Variants in TRPS1 observed in about 807,000 individuals in gnomAD.
TRPS1 encodes the protein zinc finger transcription factor Trps1.
A neutral mutation model predicts 101.2 loss-of-function variants in TRPS1; 6 were observed. That is an observed-to-expected ratio of 0.06 (90% confidence interval 0.03 to 0.12). TRPS1 has a LOEUF of 0.12. Among genes scored for constraint, TRPS1 ranks in the 10% least tolerant of loss-of-function variants. The probability of loss-of-function intolerance (pLI) is 1.00; values close to 1 mark genes in which losing one functional copy is unlikely to be tolerated. For synonymous variants in TRPS1, 578 were observed against 589.8 expected, an observed-to-expected ratio of 0.98 and a Z score of 0.29; for missense variants, 1,363 against 1,567.0, an observed-to-expected ratio of 0.87 and a Z score of 2.20.
At chr8:115,622,399 A>T (rs1301345066) in intron 2 of TRPS1, among the ~76,000 whole-genome samples, 1 of 152,204 alleles carries the variant, frequency 6.6e-6, no homozygotes, top group Admixed American at 6.5e-5. Flanking sequence ...CTAAATGAGC[A>T]AACTGAAAAA....
intron 5 of TRPS1, among the ~76,000 whole-genome samples, chr8:115,425,330 C>T (rs893511032): frequency 6.6e-6 from 1 of 152,202 alleles, no homozygotes; most frequent in African/African-American, 2.4e-5. Flanking sequence ...CAGCCAAGCA[C>T]CCATCTTATA....
rs952723008 is a variant in TRPS1 at position 115,633,931 on chromosome 8, T to C, written c.-121-10173A>G. On this transcript the variant is annotated intron_variant, in intron 1 of 6. Transcript: ENST00000395715. ...GTACAATGCCATCAGTTTTCAACTT[T>C]ATGCCTGGTTAATATTTTCTTAAGA... Among the ~76,000 whole-genome samples the C allele has an allele frequency of 9.2e-5, 14 of 152,292 alleles. No homozygotes were observed. The South Asian group carries it at 2.9e-3, about 32-fold the overall frequency.
At chr8:115,630,220 G>A (rs1818608407) in intron 1 of TRPS1, among the ~76,000 whole-genome samples, 2 of 151,968 alleles carry the variant, frequency 1.3e-5, no homozygotes, top group Admixed American at 1.3e-4. Context: ...TCACATATGA[G>A]AGGAAGAATA....
Position 115,619,793 on chromosome 8 carries a change from T to A in TRPS1, c.305A>T (p.Glu102Val), listed in dbSNP as rs554559132. ...VLSEKAGFNY[E>V]SPSKGGNFPS... The stretch of plus-strand genomic sequence containing the variant: ...AAAGTTTCCTCCCTTACTGGGGCTT[T>A]CATAATTGAAGCCAGCCTTCTCACT... Residue 102 changes from glutamate to valine, a missense_variant, in exon 3 of 7, where the codon GAA becomes GTA. Transcript: ENST00000395715. 6.2e-7 allele frequency: 1 copy of A among 1,614,214 alleles called. No individual in the cohort carries two copies. The highest frequency in any genetic ancestry group is 1.1e-5 in the South Asian group (1 of 91,090).
chr8:115,417,550 T>C (rs766881751), intron 6 of TRPS1, among the ~76,000 whole-genome samples: 1 of 152,040 alleles, frequency 6.6e-6, no homozygotes, highest in Non-Finnish European at 1.5e-5. Context: ...CAGATGAACT[T>C]GCTAAACTAA....
chr8:115,589,914 C>T (rs1817643083), intron 4 of TRPS1, among the ~76,000 whole-genome samples: 1 of 152,040 alleles, frequency 6.6e-6, no homozygotes, highest in African/African-American at 2.4e-5. Flanking sequence ...GTCAGAAGTT[C>T]GAGACCAGCC....
intron 5 of TRPS1, among the ~76,000 whole-genome samples, chr8:115,482,747 C>G (rs72678092): frequency 1.3e-4 from 20 of 152,238 alleles, no homozygotes; most frequent in Non-Finnish European, 2.5e-4. Context: ...AGTTGACCAT[C>G]AACATGGTTA....
At chr8:115,539,944 A>C (rs926380633) in intron 5 of TRPS1, among the ~76,000 whole-genome samples, 2 of 152,318 alleles carry the variant, frequency 1.3e-5, no homozygotes, top group Admixed American at 6.5e-5. Context: ...GCTCCTAAGA[A>C]TCATGTTTCT....
At chr8:115,577,055 G>T (rs1817335274) in intron 5 of TRPS1, among the ~76,000 whole-genome samples, 1 of 152,070 alleles carries the variant, frequency 6.6e-6, no homozygotes, top group Non-Finnish European at 1.5e-5. Context: ...CCAAATATGT[G>T]CATCTCCTAA....
At chr8:115,513,999 A>T (rs757746222) in intron 5 of TRPS1, among the ~76,000 whole-genome samples, 13 of 151,782 alleles carry the variant, frequency 8.6e-5, no homozygotes, top group Non-Finnish European at 1.5e-4. Flanking sequence ...CTTAGTGAAC[A>T]TAAGGAGTAT....
chr8:115,525,597 A>C (rs1815976787), intron 5 of TRPS1, among the ~76,000 whole-genome samples: 2 of 152,178 alleles, frequency 1.3e-5, no homozygotes, highest in South Asian at 4.1e-4. Context: ...ATTCCTGAAA[A>C]CTATAGTGTT....
At chr8:115,642,573 A>C (rs915728621) in intron 1 of TRPS1, among the ~76,000 whole-genome samples, 8 of 152,006 alleles carry the variant, frequency 5.3e-5, no homozygotes, top group African/African-American at 1.7e-4. Context: ...TGAATTTTAT[A>C]ATCCAAATAC....
chr8:115,618,430 AAGGT>A (rs1818317161), intron 3 of TRPS1, among the ~76,000 whole-genome samples: 1 of 152,230 alleles, frequency 6.6e-6, no homozygotes, highest in Non-Finnish European at 1.5e-5. Flanking sequence ...ATAGAACAAA[AAGGT>A]AGGCTGTTTT....
At chr8:115,548,918 T>G (rs1816640983) in intron 5 of TRPS1, among the ~76,000 whole-genome samples, 1 of 152,204 alleles carries the variant, frequency 6.6e-6, no homozygotes, top group African/African-American at 2.4e-5. Context: ...GATGAAAGCC[T>G]TTGTGAAGAA....
chr8:115,646,062 T>C (rs993138472), intron 1 of TRPS1, among the ~76,000 whole-genome samples: 4 of 152,196 alleles, frequency 2.6e-5, no homozygotes, highest in Non-Finnish European at 5.9e-5. Flanking sequence ...AATACTATTT[T>C]GAATAGTCTA....
chr8:115,415,557 C>T (rs1039218320), intron 6 of TRPS1, among the ~76,000 whole-genome samples: 2 of 152,088 alleles, frequency 1.3e-5, no homozygotes, highest in African/African-American at 4.8e-5. Flanking sequence ...AAGCCCTAAA[C>T]CACAGTGTGA....
chr8:115,465,602 T>C (rs374454423), intron 5 of TRPS1, among the ~76,000 whole-genome samples: 1 of 152,136 alleles, frequency 6.6e-6, no homozygotes, highest in African/African-American at 2.4e-5. Context: ...AAAAGATACA[T>C]ATACTGTCCT....
At chr8:115,441,825 A>T (rs951542138) in intron 5 of TRPS1, among the ~76,000 whole-genome samples, 1 of 151,132 alleles carries the variant, frequency 6.6e-6, no homozygotes, top group Non-Finnish European at 1.5e-5. Flanking sequence ...TTTTTGGTGA[A>T]CCAGACTTTA....
intron 5 of TRPS1, among the ~76,000 whole-genome samples, chr8:115,465,660 C>T (rs771988244): frequency 2.0e-5 from 3 of 152,112 alleles, no homozygotes; most frequent in African/African-American, 7.2e-5. Context: ...TGAATCACTG[C>T]ACTATTATCC....
Sources: allele counts gnomAD v4.1 joint callset (sites outside exome capture counted in the v4.1 genomes callset), GRCh38; gene constraint gnomAD v4.1.1; transcripts MANE v1.5; gene names NCBI Gene and HGNC (gene_info 2026-07-23, HGNC 2026-07-21).